Variants in PREX1 observed in about 807,000 individuals in gnomAD.
PREX1 encodes phosphatidylinositol-3,4,5-trisphosphate dependent Rac exchange factor 1.
In PREX1, 41 loss-of-function variants were observed where a neutral mutation model predicts 198.3. The ratio of observed to expected loss-of-function variants is 0.21; its 90% confidence interval spans 0.16 to 0.27. The LOEUF (loss-of-function observed/expected upper bound fraction) is 0.27. Among genes scored for constraint, PREX1 ranks in the 10% least tolerant of loss-of-function variants. The probability of loss-of-function intolerance (pLI) is 1.00; values close to 1 mark genes in which losing one functional copy is unlikely to be tolerated. For missense variants in PREX1, 1,620 were observed against 2,200.7 expected (o/e 0.74, Z 5.28); for synonymous variants, 843 against 887.2 (o/e 0.95, Z 0.89).
chr20:48,648,375 T>C (rs2089466710), intron 25 of PREX1, among the ~76,000 whole-genome samples: 1 of 152,204 alleles, frequency 6.6e-6, no homozygotes, highest in African/African-American at 2.4e-5. Context: ...TCTACTTGTC[T>C]TAACTGAAGA....
intron 3 of PREX1, among the ~76,000 whole-genome samples, chr20:48,740,267 C>T (rs2090075128): frequency 6.6e-6 from 1 of 152,178 alleles, no homozygotes; most frequent in African/African-American, 2.4e-5. Context: ...GCAGTGGATG[C>T]CATGGTGCAC....
In PREX1 at chr20:48,627,533, G is replaced by A. The variant is rs766553793; in HGVS notation, c.4937+15C>T. ...TGGGAGTGGACAGGAAGGGGCGGAC[G>A]AGGCAGCCACTCACCGCGGAGCACC... On this transcript the variant is annotated intron_variant, in intron 39 of 39. Coordinates refer to ENST00000371941, the MANE Select transcript of PREX1 (RefSeq NM_020820.4). The A allele has an allele frequency of 2.8e-5, 45 of 1,613,634 alleles. 1 individual carries two copies. In the Middle Eastern group the frequency reaches 6.6e-4, roughly 24 times the overall value.
At chr20:48,744,289 C>G (rs1282632263) in intron 3 of PREX1, among the ~76,000 whole-genome samples, 1 of 152,136 alleles carries the variant, frequency 6.6e-6, no homozygotes, top group Non-Finnish European at 1.5e-5. Flanking sequence ...GACTCTCTAC[C>G]CGATTGCTTT....
the PREX1 span, among the ~76,000 whole-genome samples, chr20:48,867,174 G>C: frequency 1.3e-5 from 2 of 152,204 alleles, no homozygotes; most frequent in East Asian, 1.9e-4. Context: ...TTGGAGACAG[G>C]AACAGAGGAA....
intron 1 of PREX1, among the ~76,000 whole-genome samples, chr20:48,792,206 T>A (rs1284580651): frequency 6.6e-6 from 1 of 152,224 alleles, no homozygotes; most frequent in African/African-American, 2.4e-5. Flanking sequence ...CCAGGCGTGG[T>A]GGCTCATGCC....
chr20:48,661,466 T>TACAC (rs1235389252), intron 15 of PREX1, among the ~76,000 whole-genome samples: 2 of 101,370 alleles, frequency 2.0e-5, no homozygotes, highest in African/African-American at 5.5e-5. Context: ...TATATATATA[T>TACAC]ATACACACAC....
At chr20:48,700,984 A>G (rs1294832814) in intron 6 of PREX1, 98 bp from the exon 7 acceptor site, 2 of 1,518,998 alleles carry the variant, frequency 1.3e-6, no homozygotes, top group Non-Finnish European at 1.8e-6. Context: ...CCACATGCCA[A>G]AAACTCCACC....
At chr20:48,655,966 TC>T (rs999522139) in intron 18 of PREX1, among the ~76,000 whole-genome samples, 2 of 151,544 alleles carry the variant, frequency 1.3e-5, no homozygotes, top group Non-Finnish European at 2.9e-5. Context: ...TCCCTCCCAT[TC>T]CCCCCTGCAG....
chr20:48,884,773 G>T, the PREX1 span, among the ~76,000 whole-genome samples: 1 of 152,110 alleles, frequency 6.6e-6, no homozygotes, highest in African/African-American at 2.4e-5. Flanking sequence ...TGTGATAAAG[G>T]GCTTATATCC....
the PREX1 span, among the ~76,000 whole-genome samples, chr20:48,839,068 TG>T: frequency 7.3e-6 from 1 of 137,376 alleles, no homozygotes; most frequent in Non-Finnish European, 1.5e-5. Context: ...ATCTGGGGAG[TG>T]GGATAATTAT....
the PREX1 span, among the ~76,000 whole-genome samples, chr20:48,863,568 G>A: frequency 7.0e-6 from 1 of 142,410 alleles, no homozygotes; most frequent in Non-Finnish European, 1.5e-5. Context: ...CATATGGTGT[G>A]TAGACTTTTC....
In PREX1 at chr20:48,655,309, G is replaced by A. The variant is rs781261064; in HGVS notation, c.2190C>T (p.Tyr730=). ...CFQIRGAAPP[Y]VYAVGRGSEA... ...ACTCACCTCTCCCCACAGCATAGAC[G>A]TACGGTGGGGCAGCTCCACGAATCT... Residue 730 remains tyrosine (Y), a synonymous_variant, in exon 19 of 40, where the codon TAC becomes TAT. Transcript: ENST00000371941. The A allele has an allele frequency of 2.1e-5, 34 of 1,590,464 alleles. No individual in the cohort carries two copies. The highest frequency in any genetic ancestry group is 1.4e-4 in the East Asian group (6 of 44,310).
intron 5 of PREX1, among the ~76,000 whole-genome samples, chr20:48,716,971 T>C (rs1272820434): frequency 6.6e-6 from 1 of 152,224 alleles, no homozygotes; most frequent in Non-Finnish European, 1.5e-5. Context: ...GATGCAGCTA[T>C]GCCTGAAGTC....
At chr20:48,736,224 G>A (rs920614363) in intron 3 of PREX1, among the ~76,000 whole-genome samples, 7 of 151,962 alleles carry the variant, frequency 4.6e-5, no homozygotes, top group Admixed American at 1.3e-4. Flanking sequence ...AAACACAATC[G>A]ACAAACATGG....
chr20:48,793,868 A>T (rs751498998), intron 1 of PREX1, among the ~76,000 whole-genome samples: 1 of 152,208 alleles, frequency 6.6e-6, no homozygotes, highest in Non-Finnish European at 1.5e-5. Context: ...ACTCCCAGGG[A>T]AATGGGAAGA....
rs1468446648 is a variant in PREX1, at chr20:48,657,041, C to T, written c.2122G>A (p.Glu708Lys). The change falls in exon 18 of 40, where the codon GAG (glutamate) becomes AAG (lysine). Residue 708 changes from glutamate to lysine, a missense_variant and splice_region_variant. Transcript: ENST00000371941. ...LRLLVATKAK[E>K]IIKIPDQPDT... ...GACACCCCGCCCTGGGACACTCACT[C>T]TTTGGCCTTCGTGGCCACCAGGAGG... 2 of 1,587,396 alleles carry T rather than the reference C, an allele frequency of 1.3e-6. No homozygotes were observed. Among genetic ancestry groups the T allele is most frequent in the Middle Eastern group, 1.7e-4 (1 of 5,970 alleles).
At position 48,666,650 on chromosome 20, in the gene PREX1, C is replaced by T. The variant is rs1424457588; in HGVS notation, c.1666-295G>A. On this transcript the variant is annotated intron_variant, in intron 14 of 39. Transcript: ENST00000371941. The surrounding 1 kb of genome is among the most constrained non-coding windows in gnomAD (Gnocchi z 4.3). ...AAGCCATTCTCCTGCCTCAGCCTCC[C>T]GAGTAGCTGGGACTACAGGCACCTG... Among the ~76,000 whole-genome samples the T allele has an allele frequency of 2.0e-5, 3 of 152,096 alleles. No individual in the cohort carries two copies. The highest frequency in any genetic ancestry group is 4.8e-5 in the African/African-American group (2 of 41,402).
At chr20:48,852,272 A>C in the PREX1 span, among the ~76,000 whole-genome samples, 1 of 152,170 alleles carries the variant, frequency 6.6e-6, no homozygotes, top group Non-Finnish European at 1.5e-5. Flanking sequence ...CAAATGACTC[A>C]AGCAGTATAT....
At position 48,745,377 on chromosome 20, in the gene PREX1, C is replaced by T. The variant is rs146271592; in HGVS notation, c.292-230G>A. 3.9e-3 allele frequency among the ~76,000 whole-genome samples: 596 copies of T among 152,294 alleles called. 5 individuals are homozygous for T. The highest frequency in any genetic ancestry group is 0.014 in the African/African-American group (564 of 41,554). ...CTAATCGTGTGTTAAGAACTTTATA[C>T]GCATTCATAGAATCTAATCCCCACT... is the stretch of plus-strand genomic sequence containing the variant. On this transcript the variant is annotated intron_variant, in intron 2 of 39. Transcript: ENST00000371941.
Sources: gnomAD v4.1 joint callset for allele counts (sites outside exome capture counted in the v4.1 genomes callset) on GRCh38, gnomAD v4.1.1 for gene constraint, Gnocchi (gnomAD v3.1) non-coding constraint, MANE v1.5 for transcripts, NCBI Gene and HGNC (gene_info 2026-07-23, HGNC 2026-07-21) for gene names.